Variants in ST6GALNAC3 observed in about 807,000 individuals in gnomAD.
ST6GALNAC3 encodes ST6 N-acetylgalactosaminide alpha-2,6-sialyltransferase 3, also known as alpha-N-acetylgalactosaminide alpha-2,6-sialyltransferase 3.
ST6GALNAC3 carries 25 observed loss-of-function variants against 32.7 expected under a neutral mutation model. The ratio of observed to expected loss-of-function variants is 0.76; its 90% CI spans 0.56 to 1.07. The LOEUF (loss-of-function observed/expected upper bound fraction) is 1.07. Among genes scored for constraint, ST6GALNAC3 ranks in the 50% least tolerant of loss-of-function variants. The probability of loss-of-function intolerance (pLI) is 0.00; values close to 1 mark genes in which losing one functional copy is unlikely to be tolerated. For missense variants in ST6GALNAC3, 355 were observed against 382.4 expected, an observed-to-expected ratio of 0.93 and a Z score of 0.60; for synonymous variants, 129 against 133.1, an observed-to-expected ratio of 0.97 and a Z score of 0.21.
chr1:76,228,159 A>G (rs1656179021), intron 1 of ST6GALNAC3, among the ~76,000 whole-genome samples: 1 of 152,176 alleles, frequency 6.6e-6, no homozygotes, highest in East Asian at 1.9e-4. Context: ...TGAAATATGA[A>G]ATAGACCATT....
At chr1:76,554,152 G>C (rs1481735279) in intron 3 of ST6GALNAC3, among the ~76,000 whole-genome samples, 1 of 152,098 alleles carries the variant, frequency 6.6e-6, no homozygotes, top group Non-Finnish European at 1.5e-5. Flanking sequence ...CGGAACTCCT[G>C]GGAGTTATCT....
chr1:76,342,222 A>T (rs573151750), intron 2 of ST6GALNAC3, among the ~76,000 whole-genome samples: 5 of 152,222 alleles, frequency 3.3e-5, no homozygotes, highest in Admixed American at 3.3e-4. Flanking sequence ...TGGTAATATA[A>T]CCAGTAATGG....
intron 2 of ST6GALNAC3, among the ~76,000 whole-genome samples, chr1:76,357,357 A>G (rs140974579): frequency 4.0e-4 from 61 of 151,848 alleles, no homozygotes; most frequent in Non-Finnish European, 4.4e-4. Context: ...GCTGGTCTCA[A>G]ACTCCTGACC....
chr1:76,624,188 G>A (rs1418071622), intron 3 of ST6GALNAC3, among the ~76,000 whole-genome samples: 1 of 151,886 alleles, frequency 6.6e-6, no homozygotes, highest in African/African-American at 2.4e-5. Context: ...TGTTTAAAGA[G>A]CTATTGAGCT....
At chr1:76,517,084 T>C (rs1043255304) in intron 3 of ST6GALNAC3, among the ~76,000 whole-genome samples, 3 of 151,932 alleles carry the variant, frequency 2.0e-5, no homozygotes, top group African/African-American at 7.2e-5. Context: ...TTCTTGCCTA[T>C]TTTATTGTTC....
intron 1 of ST6GALNAC3, among the ~76,000 whole-genome samples, chr1:76,166,594 A>G (rs1474781004): frequency 2.6e-5 from 4 of 152,216 alleles, no homozygotes; most frequent in Non-Finnish European, 5.9e-5. Flanking sequence ...TTTGGGCAGC[A>G]TGGCCATTTT....
At chr1:76,103,304 CTTCTT>C (rs1388442978) in intron 1 of ST6GALNAC3, among the ~76,000 whole-genome samples, 1 of 152,030 alleles carries the variant, frequency 6.6e-6, no homozygotes, top group African/African-American at 2.4e-5. Flanking sequence ...CATTCAGTCT[CTTCTT>C]TTCCATTTCC....
intron 1 of ST6GALNAC3, among the ~76,000 whole-genome samples, chr1:76,089,086 T>C (rs957103161): frequency 6.6e-6 from 1 of 152,194 alleles, no homozygotes; most frequent in African/African-American, 2.4e-5. Context: ...TGGAGTGCAG[T>C]GGCACAATCT....
chr1:76,520,367 T>A (rs1207784089), intron 3 of ST6GALNAC3, among the ~76,000 whole-genome samples: 1 of 152,110 alleles, frequency 6.6e-6, no homozygotes, highest in Non-Finnish European at 1.5e-5. Flanking sequence ...TTCTCAGAAT[T>A]CCCATTTTAT....
Position 76,262,778 on chromosome 1 carries a change from A to T in ST6GALNAC3, c.19-51027A>T, listed in dbSNP as rs1658314286. ...TGGGGAGCATGGTTCATCATCCTTC[A>T]GGATGGATCTGTCCCTGGAGATTGG... On this transcript the variant is annotated intron_variant, in intron 1 of 4. Transcript: ENST00000328299. Among the ~76,000 whole-genome samples, 3 of 152,210 alleles carry T rather than the reference A, an allele frequency of 2.0e-5. No homozygotes were observed. In the South Asian group the frequency reaches 6.2e-4, roughly 31 times the overall value.
intron 3 of ST6GALNAC3, among the ~76,000 whole-genome samples, chr1:76,450,585 G>A (rs1056323525): frequency 2.6e-4 from 39 of 152,054 alleles, no homozygotes; most frequent in African/African-American, 9.4e-4. Flanking sequence ...ATTTATCTTT[G>A]TTTTGTTGCA....
At chr1:76,617,387 A>G (rs1648368151) in intron 3 of ST6GALNAC3, among the ~76,000 whole-genome samples, 1 of 152,094 alleles carries the variant, frequency 6.6e-6, no homozygotes, top group South Asian at 2.1e-4. Context: ...ATAGGAAAGT[A>G]TACGAAGAAG....
intron 1 of ST6GALNAC3, among the ~76,000 whole-genome samples, chr1:76,209,964 G>A (rs1041067338): frequency 3.9e-5 from 6 of 152,024 alleles, no homozygotes; most frequent in Non-Finnish European, 8.8e-5. Flanking sequence ...GTCTCCAGGG[G>A]CTCCAACCAG....
intron 2 of ST6GALNAC3, among the ~76,000 whole-genome samples, chr1:76,367,142 C>A (rs2101068018): frequency 6.6e-6 from 1 of 152,256 alleles, no homozygotes; most frequent in South Asian, 2.1e-4. Flanking sequence ...AAACATATGG[C>A]TCATTATTCA....
intron 1 of ST6GALNAC3, among the ~76,000 whole-genome samples, chr1:76,286,166 A>C (rs906108614): frequency 6.6e-6 from 1 of 152,184 alleles, no homozygotes; most frequent in African/African-American, 2.4e-5. Flanking sequence ...CCACAGAGGA[A>C]ACAGTAAGAG....
At chr1:76,293,937 C>T (rs1305267226) in intron 1 of ST6GALNAC3, among the ~76,000 whole-genome samples, 1 of 152,070 alleles carries the variant, frequency 6.6e-6, no homozygotes, top group Non-Finnish European at 1.5e-5. Context: ...AAACAGGATT[C>T]TTTACTGGTC....
At position 76,174,132 on chromosome 1, in the gene ST6GALNAC3, T is replaced by C. The variant is rs578109709; in HGVS notation, c.18+99248T>C. Among the ~76,000 whole-genome samples the C allele has an allele frequency of 2.0e-5, 3 of 152,292 alleles. No individual in the cohort carries two copies. In the East Asian group the frequency reaches 5.8e-4, roughly 29 times the overall value. On this transcript the variant is annotated intron_variant, in intron 1 of 4. Coordinates refer to ENST00000328299, the MANE Select transcript of ST6GALNAC3 (RefSeq NM_152996.4). ...ATGGATAAAGAAAATGTGGTACATA[T>C]ACACCATGGAATACTATGCAGCCAT...
chr1:76,471,294 C>A (rs1659010940), intron 3 of ST6GALNAC3, among the ~76,000 whole-genome samples: 1 of 152,134 alleles, frequency 6.6e-6, no homozygotes. Context: ...TTTCCTTCAT[C>A]TACTGTCTAT....
chr1:76,495,469 A>G (rs565998233), intron 3 of ST6GALNAC3, among the ~76,000 whole-genome samples: 2 of 152,234 alleles, frequency 1.3e-5, no homozygotes, highest in African/African-American at 4.8e-5. Flanking sequence ...ATGGTAATCA[A>G]TCCCTAAATT....
Sources: allele counts gnomAD v4.1 joint callset (sites outside exome capture counted in the v4.1 genomes callset), GRCh38; gene constraint gnomAD v4.1.1; transcripts MANE v1.5; gene names NCBI Gene and HGNC (gene_info 2026-07-23, HGNC 2026-07-21).